The following NR6A1 variants were observed in gnomAD, a reference collection of about 807,000 sequenced individuals.
The protein encoded by NR6A1 is retinoic acid receptor-related testis-associated receptor.
In NR6A1, 7 loss-of-function variants were observed where a neutral mutation model predicts 59.1. That is an observed-to-expected ratio of 0.12 (90% CI 0.07 to 0.22). NR6A1 has a LOEUF of 0.22. NR6A1 is among the 10% of genes least tolerant of loss of function. The pLI is 1.00. For missense variants in NR6A1, 468 were observed against 611.6 expected (o/e 0.77, Z 2.48); for synonymous variants, 243 against 236.1 (o/e 1.03, Z -0.27).
At chr9:124,667,163 T>C (rs1441399837) in intron 2 of NR6A1, among the ~76,000 whole-genome samples, 1 of 151,502 alleles carries the variant, frequency 6.6e-6, no homozygotes, top group Non-Finnish European at 1.5e-5. Context: ...GCCTCCTGAG[T>C]AGCTGGGATT....
intron 2 of NR6A1, among the ~76,000 whole-genome samples, chr9:124,581,529 T>C (rs1210514181): frequency 6.6e-6 from 1 of 150,994 alleles, no homozygotes; most frequent in African/African-American, 2.4e-5. Flanking sequence ...GAGGGGGAGG[T>C]TGCAGTGAGC....
At chr9:124,523,817 T>C (rs914093806) in intron 9 of NR6A1, among the ~76,000 whole-genome samples, 1 of 152,176 alleles carries the variant, frequency 6.6e-6, no homozygotes, top group African/African-American at 2.4e-5. Flanking sequence ...ATCGTATTGC[T>C]TTCTCCAGAA....
chr9:124,620,153 A>G (rs1836025514), intron 2 of NR6A1, among the ~76,000 whole-genome samples: 1 of 152,116 alleles, frequency 6.6e-6, no homozygotes, highest in South Asian at 2.1e-4. Flanking sequence ...GCACAATATA[A>G]ATGAATATAT....
intron 1 of NR6A1, among the ~76,000 whole-genome samples, chr9:124,750,659 C>T (rs530924822): frequency 6.6e-6 from 1 of 152,130 alleles, no homozygotes; most frequent in East Asian, 1.9e-4. Flanking sequence ...ACTCGGGAGG[C>T]TGAGGCAGGA....
chr9:124,582,558 T>G (rs542397707), intron 2 of NR6A1, among the ~76,000 whole-genome samples: 4 of 151,636 alleles, frequency 2.6e-5, no homozygotes, highest in African/African-American at 9.7e-5. Context: ...ATCCTGCACA[T>G]GTACCCCTGA....
chr9:124,770,114 G>C (rs533546203), intron 1 of NR6A1: 1 of 152,458 alleles, frequency 6.6e-6, no homozygotes, highest in Non-Finnish European at 1.5e-5. Context: ...CAAGGTCCCG[G>C]ATCGGGACAA....
At chr9:124,538,786 G>A (rs775684822) in intron 5 of NR6A1, among the ~76,000 whole-genome samples, 10 of 151,892 alleles carry the variant, frequency 6.6e-5, no homozygotes, top group Non-Finnish European at 1.5e-4. Context: ...ATAGTCCAAG[G>A]AAAGAACAAA....
At chr9:124,645,077 G>T (rs1262234274) in intron 2 of NR6A1, among the ~76,000 whole-genome samples, 3 of 152,158 alleles carry the variant, frequency 2.0e-5, no homozygotes, top group African/African-American at 4.8e-5. Context: ...ACTTGGATTG[G>T]TTATAAATAT....
chr9:124,699,435 G>T (rs529397933), intron 2 of NR6A1, among the ~76,000 whole-genome samples: 2 of 152,332 alleles, frequency 1.3e-5, no homozygotes, highest in African/African-American at 4.8e-5. Context: ...TCCCAAACAA[G>T]AAGTTGCTAT....
At chr9:124,611,956 G>A (rs1835765173) in intron 2 of NR6A1, among the ~76,000 whole-genome samples, 1 of 151,968 alleles carries the variant, frequency 6.6e-6, no homozygotes, top group South Asian at 2.1e-4. Context: ...TTAGAAGAGG[G>A]GCAAAATACA....
chr9:124,584,297 G>A (rs1434828143), intron 2 of NR6A1, among the ~76,000 whole-genome samples: 6 of 151,764 alleles, frequency 4.0e-5, no homozygotes, highest in Non-Finnish European at 7.4e-5. Context: ...TAGTAGAGAC[G>A]AGGTTTCACC....
intron 2 of NR6A1, among the ~76,000 whole-genome samples, chr9:124,571,177 T>A (rs760186814): frequency 6.6e-6 from 1 of 152,146 alleles, no homozygotes; most frequent in African/African-American, 2.4e-5. Context: ...TAGAAGTATG[T>A]CAAAAAGAAT....
intron 2 of NR6A1, among the ~76,000 whole-genome samples, chr9:124,574,074 T>C (rs1834523625): frequency 6.6e-6 from 1 of 152,206 alleles, no homozygotes. Flanking sequence ...AATGTTTCTT[T>C]ATTGCTGAAT....
intron 1 of NR6A1, among the ~76,000 whole-genome samples, chr9:124,750,585 C>T (rs1047401193): frequency 2.6e-5 from 4 of 152,150 alleles, no homozygotes; most frequent in South Asian, 2.1e-4. Flanking sequence ...ATGGTGAAAC[C>T]CCGTCTCTAC....
At chr9:124,758,580 A>G (rs1840702549) in intron 1 of NR6A1, among the ~76,000 whole-genome samples, 1 of 152,254 alleles carries the variant, frequency 6.6e-6, no homozygotes, top group Non-Finnish European at 1.5e-5. Flanking sequence ...TTGTTTAAAC[A>G]ACAAAAATAC....
At chr9:124,588,033 G>C (rs1488188257) in intron 2 of NR6A1, among the ~76,000 whole-genome samples, 1 of 152,062 alleles carries the variant, frequency 6.6e-6, no homozygotes, top group Non-Finnish European at 1.5e-5. Context: ...TCTCTCCTCA[G>C]CTCCTCACAA....
At chr9:124,616,495 G>T (rs1253314643) in intron 2 of NR6A1, among the ~76,000 whole-genome samples, 1 of 151,660 alleles carries the variant, frequency 6.6e-6, no homozygotes, top group African/African-American at 2.4e-5. Context: ...TACTGAGGGG[G>T]TGTCTTTCTA....
At chr9:124,703,205 A>G (rs1272571992) in intron 2 of NR6A1, among the ~76,000 whole-genome samples, 1 of 129,862 alleles carries the variant, frequency 7.7e-6, no homozygotes, top group African/African-American at 3.1e-5. Context: ...ACACACGGCC[A>G]CATTTTTTTT....
At chr9:124,597,427 A>G (rs1352510703) in intron 2 of NR6A1, among the ~76,000 whole-genome samples, 1 of 152,146 alleles carries the variant, frequency 6.6e-6, no homozygotes, top group African/African-American at 2.4e-5. Flanking sequence ...AAGCTACTCA[A>G]CTGGAAACAA....
Sources: gnomAD v4.1 joint callset for allele counts (sites outside exome capture counted in the v4.1 genomes callset) on GRCh38, gnomAD v4.1.1 for gene constraint, MANE v1.5 for transcripts, NCBI Gene and HGNC (gene_info 2026-07-23, HGNC 2026-07-21) for gene names.